Variants in TOMM34 observed in about 807,000 individuals in gnomAD.
TOMM34 encodes the protein translocase of outer mitochondrial membrane 34, also known as mitochondrial import receptor subunit TOM34.
Under a neutral mutation model 37.4 loss-of-function variants are expected in TOMM34, and 24 were observed. The observed-to-expected ratio is 0.64, with a 90% confidence interval of 0.46 to 0.90. The LOEUF is 0.90. Among genes scored for constraint, TOMM34 ranks in the 40% least tolerant of loss-of-function variants. The probability of loss-of-function intolerance (pLI) is 0.00; values close to 1 mark genes in which losing one functional copy is unlikely to be tolerated. For missense variants in TOMM34, 304 were observed against 375.6 expected (o/e 0.81, Z 1.58); for synonymous variants, 154 against 148.9 (o/e 1.03, Z -0.25).
chr20:44,960,189 T>C lies in TOMM34; in HGVS notation c.127+18A>G. 6.5e-7 allele frequency: 1 copy of C among 1,550,198 alleles called. No homozygotes were observed. The highest frequency in any genetic ancestry group is 2.5e-5 in the East Asian group (1 of 40,300). On this transcript the variant is annotated intron_variant, in intron 1 of 6. Transcript: ENST00000372813. ...TGGAGGAGCAGGCCCGGAGGTGAGA[T>C]GGGGGCCGGGGTCGTACCTTGCGCC...
Position 44,956,386 on chromosome 20 carries a change from G to A in TOMM34, c.227C>T (p.Ser76Leu), listed in dbSNP as rs779517223. 9 of 1,613,786 alleles carry A rather than the reference G, an allele frequency of 5.6e-6. No homozygotes were observed. Among genetic ancestry groups the A allele is most frequent in the Admixed American group, 1.7e-5 (1 of 59,988 alleles). Residue 76 changes from serine (S) to leucine (L), a missense_variant and splice_region_variant, in exon 2 of 7, where the codon TCA (serine) becomes TTA (leucine). Coordinates refer to ENST00000372813, the MANE Select transcript of TOMM34 (RefSeq NM_006809.5). ...CCCAAAATTACCCTTGGCCACTTAC[G>A]AAGTGCAATCTTTGATGCAGTCTCT... ...NCRDCIKDCT[S>L]ALALVPFSIK...
intron 5 of TOMM34, among the ~76,000 whole-genome samples, chr20:44,944,068 A>C (rs2066960071): frequency 6.6e-6 from 1 of 152,218 alleles, no homozygotes; most frequent in Non-Finnish European, 1.5e-5. Flanking sequence ...AAGTGCATCA[A>C]ACACAATAAT....
chr20:44,948,584 C>G (rs2067000072), intron 5 of TOMM34, 146 bp downstream of exon 5: 1 of 1,002,818 alleles, frequency 1.0e-6, no homozygotes. Context: ...TGCCACTGGT[C>G]ATGGCTAGCT....
rs753873648 is a variant in TOMM34, at chr20:44,960,337, G to T, written c.-4C>A. 5 of 1,565,658 alleles carry T rather than the reference G, an allele frequency of 3.2e-6. No homozygotes were observed. The highest frequency in any genetic ancestry group is 4.3e-6 in the Non-Finnish European group (5 of 1,155,530). ...AGTCTGGGAATTTGGGGGCCATCCC[G>T]TGGCCAGGCCGGCGAGTTGGGAGCT... On this transcript the variant is annotated 5_prime_UTR_variant, in exon 1 of 7. Transcript: ENST00000372813.
chr20:44,957,196 A>AT (rs915470865), intron 1 of TOMM34, among the ~76,000 whole-genome samples: 25 of 151,198 alleles, frequency 1.7e-4, no homozygotes, highest in African/African-American at 3.2e-4. Flanking sequence ...TTATTTACGT[A>AT]TTTTTTTTTG....
intron 1 of TOMM34, 118 bp from the exon 2 acceptor site, chr20:44,956,603 A>T (rs2067075463): frequency 1.1e-6 from 1 of 918,334 alleles, no homozygotes; most frequent in African/African-American, 1.6e-5. Flanking sequence ...AGATAACTAT[A>T]ACCTGTTCAG....
chr20:44,951,815 C>G lies in TOMM34; in HGVS notation c.550+18G>C, dbSNP rs766682376. ...TAGTGGGAGATTGCAAGACTCTGGG[C>G]AGGGAGTCACAGCTCACCTCTGTTC... On this transcript the variant is annotated intron_variant, in intron 4 of 6. Transcript: ENST00000372813. The G allele has an allele frequency of 6.2e-7, 1 of 1,607,162 alleles. No individual in the cohort carries two copies. The highest frequency in any genetic ancestry group is 1.3e-5 in the African/African-American group (1 of 74,706).
At chr20:44,950,697 C>A (rs1430686858) in intron 4 of TOMM34, among the ~76,000 whole-genome samples, 1 of 152,208 alleles carries the variant, frequency 6.6e-6, no homozygotes, top group Non-Finnish European at 1.5e-5. Context: ...GGAACACTTA[C>A]CAGGCTCCCA....
At chr20:44,949,698 G>T (rs1316768700) in intron 4 of TOMM34, among the ~76,000 whole-genome samples, 1 of 152,168 alleles carries the variant, frequency 6.6e-6, no homozygotes, top group Non-Finnish European at 1.5e-5. Flanking sequence ...TTCATTGCCT[G>T]GTTTAAGAAA....
intron 1 of TOMM34, 49 bp downstream of exon 1, chr20:44,960,158 G>C (rs1176314272): frequency 1.3e-5 from 20 of 1,521,432 alleles, no homozygotes; most frequent in Non-Finnish European, 1.8e-5. Flanking sequence ...CGGTGGTTGC[G>C]GGAGTTGGAG....
intron 1 of TOMM34, among the ~76,000 whole-genome samples, chr20:44,959,513 A>C (rs555302476): frequency 1.3e-5 from 2 of 152,248 alleles, no homozygotes; most frequent in East Asian, 1.9e-4. Flanking sequence ...ACACCTCCAC[A>C]ATAAATAAGG....
Position 44,942,948 on chromosome 20 carries a change from C to T in TOMM34, c.*161G>A. The T allele has an allele frequency of 1.5e-6, 1 of 649,444 alleles. No individual in the cohort carries two copies. The highest frequency in any genetic ancestry group is 2.7e-6 in the Non-Finnish European group (1 of 367,864). 40.2% of individuals were successfully genotyped at this position (649,444 alleles called of 1,614,324 possible). On this transcript the variant is annotated 3_prime_UTR_variant, in exon 7 of 7. Transcript: ENST00000372813. ...TTGACTACACTGAGTTTAATTTGAACAAGCAAAGCCTCTTACAGGGTGGGA... is the reference window on the plus strand; with the variant it reads ...TTGACTACACTGAGTTTAATTTGAATAAGCAAAGCCTCTTACAGGGTGGGA...
chr20:44,960,365 T>A lies in TOMM34; in HGVS notation c.-32A>T, dbSNP rs749557889. Reference sequence around the variant, plus strand: ...GCCAGGCCGGCGAGTTGGGAGCTCCTTCCTTCCTCCCCCGTGTGGTGCGGC... The same window carrying A: ...GCCAGGCCGGCGAGTTGGGAGCTCCATCCTTCCTCCCCCGTGTGGTGCGGC... On this transcript the variant is annotated 5_prime_UTR_variant, in exon 1 of 7. The change creates a new upstream start codon in the 5' untranslated region. Coordinates refer to ENST00000372813, the MANE Select transcript of TOMM34 (RefSeq NM_006809.5). 6.5e-7 allele frequency: 1 copy of A among 1,532,616 alleles called. No homozygotes were observed. Among genetic ancestry groups the A allele is most frequent in the Non-Finnish European group, 8.8e-7 (1 of 1,136,724 alleles). 94.9% of individuals were successfully genotyped at this position (1,532,616 alleles called of 1,614,324 possible). A position where few individuals can be genotyped will look rare whatever the true frequency, so the allele number is the denominator to read the frequency against.
intron 3 of TOMM34, 21 bp from the exon 4 acceptor site, chr20:44,952,023 G>A: frequency 6.3e-7 from 1 of 1,597,362 alleles, no homozygotes; most frequent in Non-Finnish European, 8.5e-7. Flanking sequence ...AGGCAGGATT[G>A]CAGGGAGGTT....
intron 1 of TOMM34, among the ~76,000 whole-genome samples, chr20:44,959,547 T>C (rs1413758714): frequency 6.6e-6 from 1 of 152,178 alleles, no homozygotes; most frequent in Non-Finnish European, 1.5e-5. Flanking sequence ...ACTGACCTCA[T>C]GTCTTCCTAT....
intron 5 of TOMM34, among the ~76,000 whole-genome samples, chr20:44,945,509 T>G (rs1424209566): frequency 6.6e-6 from 1 of 152,180 alleles, no homozygotes; most frequent in Admixed American, 6.5e-5. Context: ...CTTGGAGCCT[T>G]GAACTGACAG....
At position 44,948,842 on chromosome 20, in the gene TOMM34, G is replaced by C. The variant is rs997100982; in HGVS notation, c.586C>G (p.Leu196Val). ...ACAAGCTCATTGCCTTCTTCCTTCA[G>C]AACTCTGGCTTTCTCCACATCCCCA... ...SAGDVEKARV[L>V]KEEGNELVKK... is the part of the protein sequence containing the mutation. The change falls in exon 5 of 7, where the codon CTG (leucine) becomes GTG (valine). Residue 196 changes from leucine (L) to valine (V), a missense_variant. Transcript: ENST00000372813. 1.2e-6 allele frequency: 2 copies of C among 1,613,848 alleles called. No individual in the cohort carries two copies. The highest frequency in any genetic ancestry group is 1.7e-6 in the Non-Finnish European group (2 of 1,179,992).
Position 44,943,576 on chromosome 20 carries a change from T to C in TOMM34, c.702A>G (p.Ala234=), listed in dbSNP as rs1804644. The C allele has an allele frequency of 0.054, 86,528 of 1,613,920 alleles. 8,052 individuals are homozygous for C. Among genetic ancestry groups the C allele is most frequent in the African/African-American group, 0.41 (30,480 of 74,898 alleles). Residue 234 remains alanine, a synonymous_variant, in exon 6 of 7, where the codon GCA becomes GCG. Transcript: ENST00000372813. The part of the protein sequence containing the change: ...NLESATYSNR[A]LCYLVLKQYT... ...ACTGCTTCAGGACCAAATAGCAGAG[T>C]GCTCTGAAGGGAAAGACCATTTCAG...
In TOMM34 at chr20:44,952,008, A is replaced by G. The variant is rs747823358; in HGVS notation, c.381-6T>C. On this transcript the variant is annotated splice_polypyrimidine_tract_variant and splice_region_variant and intron_variant, in intron 3 of 6. Coordinates refer to ENST00000372813, the MANE Select transcript of TOMM34 (RefSeq NM_006809.5). Reference sequence around the variant, plus strand: ...CCATGAGAGCTCTGGTCATTCTGGAAAAGAAGGCAGGATTGCAGGGAGGTT... The same window carrying G: ...CCATGAGAGCTCTGGTCATTCTGGAGAAGAAGGCAGGATTGCAGGGAGGTT... The G allele has an allele frequency of 6.2e-7, 1 of 1,603,452 alleles. No homozygotes were observed. The highest frequency in any genetic ancestry group is 8.5e-7 in the Non-Finnish European group (1 of 1,175,016).
Sources: gnomAD v4.1 joint callset for allele counts (sites outside exome capture counted in the v4.1 genomes callset) on GRCh38, gnomAD v4.1.1 for gene constraint, MANE v1.5 for transcripts, NCBI Gene and HGNC (gene_info 2026-07-23, HGNC 2026-07-21) for gene names.